Variants in CDC42EP5 observed in about 807,000 individuals in gnomAD.
The protein encoded by CDC42EP5 is CDC42 effector protein 5, also known as CDC42 effector protein (Rho GTPase binding) 5.
For missense variants in CDC42EP5, 269 were observed against 238.0 expected, an observed-to-expected ratio of 1.13 and a Z score of -0.86; for synonymous variants, 118 against 123.3, an observed-to-expected ratio of 0.96 and a Z score of 0.28.
At chr19:54,467,865 A>G (rs1222675278) in intron 2 of CDC42EP5, among the ~76,000 whole-genome samples, 2 of 152,178 alleles carry the variant, frequency 1.3e-5, no homozygotes, top group Non-Finnish European at 1.5e-5. Flanking sequence ...GAGTCTGCCC[A>G]TATCCTGGTC....
chr19:54,470,122 C>G (rs576960740), intron 2 of CDC42EP5, among the ~76,000 whole-genome samples: 2 of 152,244 alleles, frequency 1.3e-5, no homozygotes, highest in Admixed American at 6.5e-5. Flanking sequence ...AATGCCAGCT[C>G]TTTGGGAGGC....
In CDC42EP5 at chr19:54,471,624, G is replaced by C. The variant is rs1290109310; in HGVS notation, c.-80C>G. 1 of 152,072 alleles carries C rather than the reference G, an allele frequency of 6.6e-6. No homozygotes were observed. Among genetic ancestry groups the C allele is most frequent in the African/African-American group, 2.4e-5 (1 of 41,350 alleles). The allele number at this position is 152,072 out of a possible 1,614,324, so 9.4% of individuals were successfully genotyped here. On this transcript the variant is annotated 5_prime_UTR_variant, in exon 2 of 3. Coordinates refer to ENST00000301200, the MANE Select transcript of CDC42EP5 (RefSeq NM_145057.4). ...CGGACCCCTGGTTCCCTGGCTCCGA[G>C]TCCGCCTCCGTCTCCTAATCCCCGG...
Position 54,465,432 on chromosome 19 carries a change from C to A in CDC42EP5, c.116G>T (p.Gly39Val). ...CGAGGTGTCCCCGAAGGCGTCGCCGCCGCGCCCCACGTGCAGCGTGTGCCG... is the reference window on the plus strand; with the variant it reads ...CGAGGTGTCCCCGAAGGCGTCGCCGACGCGCCCCACGTGCAGCGTGTGCCG... ...DFRHTLHVGR[G>V]GDAFGDTSFL... The change falls in exon 3 of 3, where the codon GGC (glycine) becomes GTC (valine). Residue 39 changes from glycine to valine, a missense_variant. Physicochemically the swap from Gly to Val is moderately radical, Grantham distance 109. Transcript: ENST00000301200. 2.0e-6 allele frequency: 3 copies of A among 1,486,866 alleles called. No individual in the cohort carries two copies. Among genetic ancestry groups the A allele is most frequent in the Non-Finnish European group, 2.7e-6 (3 of 1,127,866 alleles). 92.1% of individuals were successfully genotyped at this position (1,486,866 alleles called of 1,614,324 possible).
Position 54,465,381 on chromosome 19 carries a change from G to T in CDC42EP5, c.167C>A (p.Pro56Gln). Residue 56 changes from proline (P) to glutamine (Q), a missense_variant, in exon 3 of 3, where the codon CCG becomes CAG. Pro to Gln is a moderately conservative substitution (Grantham distance 76). Transcript: ENST00000301200. Reference protein sequence around the residue: ...TSFLSRHGGGPPPEPRAPPAG... With the variant: ...TSFLSRHGGGQPPEPRAPPAG... ...GGGGGGCGCCCGGGGCTCGGGGGGCGGCCCGCCGCCGTGGCGGCTCAGGAA... is the reference window on the plus strand; with the variant it reads ...GGGGGGCGCCCGGGGCTCGGGGGGCTGCCCGCCGCCGTGGCGGCTCAGGAA... 8.5e-7 allele frequency: 1 copy of T among 1,178,388 alleles called. No individual in the cohort carries two copies. Among genetic ancestry groups the T allele is most frequent in the Non-Finnish European group, 1.0e-6 (1 of 952,622 alleles). 73.0% of individuals were successfully genotyped at this position (1,178,388 alleles called of 1,614,324 possible). A position where few individuals can be genotyped will look rare whatever the true frequency, so the allele number is the denominator to read the frequency against.
At position 54,465,180 on chromosome 19, in the gene CDC42EP5, G is replaced by C; in HGVS notation, c.368C>G (p.Pro123Arg). Residue 123 changes from proline (P) to arginine (R), a missense_variant, in exon 3 of 3, where the codon CCC becomes CGC. Pro to Arg is a moderately radical substitution (Grantham distance 103). Transcript: ENST00000301200. ...EAAAAKPDAEPRPGTQPPQAR... is the reference protein window; with the variant it reads ...EAAAAKPDAERRPGTQPPQAR... The stretch of plus-strand genomic sequence containing the variant: ...CTGGGGGGGCTGCGTCCCGGGGCGG[G>C]GTTCCGCGTCGGGCTTGGCGGCAGC... 2.1e-6 allele frequency: 3 copies of C among 1,425,166 alleles called. No individual in the cohort carries two copies. The allele number at this position is 1,425,166 out of a possible 1,614,324, so 88.3% of individuals were successfully genotyped here. A position where few individuals can be genotyped will look rare whatever the true frequency, so the allele number is the denominator to read the frequency against.
intron 1 of CDC42EP5, among the ~76,000 whole-genome samples, chr19:54,472,391 A>G (rs868482307): frequency 3.4e-4 from 1 of 2,970 alleles, no homozygotes; most frequent in Non-Finnish European, 5.6e-4. Context: ...AGGAGTCCAG[A>G]CCCCCAGCCC....
At chr19:54,471,784 G>A in intron 1 of CDC42EP5, 99 bp from the exon 2 acceptor site, 1 of 160,732 alleles carries the variant, frequency 6.2e-6, no homozygotes, top group East Asian at 1.7e-4. Flanking sequence ...GGTCCTAGGC[G>A]TCCTAGATCT....
chr19:54,469,570 T>C (rs2084807482), intron 2 of CDC42EP5, among the ~76,000 whole-genome samples: 1 of 152,222 alleles, frequency 6.6e-6, no homozygotes, highest in Non-Finnish European at 1.5e-5. Flanking sequence ...GAAAATGGCA[T>C]GATATTAATC....
At position 54,468,788 on chromosome 19, in the gene CDC42EP5, G is replaced by C. The variant is rs369625603; in HGVS notation, c.-1+2757C>G. ...GCTGGTCTCAAACTCCTGAGCTCAA[G>C]CAATCTGCCCGCCTTGGCCTCCCAA... On this transcript the variant is annotated intron_variant, in intron 2 of 2. Transcript: ENST00000301200. Among the ~76,000 whole-genome samples, 201 of 150,952 alleles carry C rather than the reference G, an allele frequency of 1.3e-3. 7 individuals carry two copies. In the South Asian group the frequency reaches 0.04, roughly 30 times the overall value.
At chr19:54,466,286 T>G (rs537032594) in intron 2 of CDC42EP5, among the ~76,000 whole-genome samples, 1 of 151,998 alleles carries the variant, frequency 6.6e-6, no homozygotes, top group East Asian at 1.9e-4. Context: ...CTATAAAAAA[T>G]GCAAAAATTA....
intron 2 of CDC42EP5, among the ~76,000 whole-genome samples, chr19:54,468,963 CCTTT>C (rs946572900): frequency 1.9e-4 from 26 of 139,960 alleles, no homozygotes; most frequent in African/African-American, 2.9e-4. Context: ...TTCCTTCCTT[CCTTT>C]CTTTTCTTTC....
chr19:54,468,927 C>CCTTCCTTCT (rs1216222962), intron 2 of CDC42EP5, among the ~76,000 whole-genome samples: 1 of 145,756 alleles, frequency 6.9e-6, no homozygotes, highest in African/African-American at 2.6e-5. Flanking sequence ...TTCCTTCTTT[C>CCTTCCTTCT]TTTCTTTTCT....
intron 2 of CDC42EP5, among the ~76,000 whole-genome samples, chr19:54,466,701 A>G (rs933776833): frequency 6.6e-6 from 1 of 152,222 alleles, no homozygotes; most frequent in African/African-American, 2.4e-5. Context: ...ATACAGTAAT[A>G]AAAAATGAGT....
At chr19:54,466,814 A>C (rs1024105296) in intron 2 of CDC42EP5, among the ~76,000 whole-genome samples, 1 of 152,190 alleles carries the variant, frequency 6.6e-6, no homozygotes, top group African/African-American at 2.4e-5. Context: ...GGATGTACAT[A>C]GGTTATATGC....
chr19:54,465,186 G>T lies in CDC42EP5; in HGVS notation c.362C>A (p.Ala121Glu), dbSNP rs1465526286. ...GGGCTGCGTCCCGGGGCGGGGTTCC[G>T]CGTCGGGCTTGGCGGCAGCCGCCTC... ...RPEAAAAKPD[A>E]EPRPGTQPPQ... The change falls in exon 3 of 3, where the codon GCG (alanine) becomes GAG (glutamate). Residue 121 changes from alanine to glutamate, a missense_variant. Transcript: ENST00000301200. 1.4e-6 allele frequency: 2 copies of T among 1,430,478 alleles called. No homozygotes were observed. 88.6% of individuals were successfully genotyped at this position (1,430,478 alleles called of 1,614,324 possible).
chr19:54,468,666 C>A (rs539038385), intron 2 of CDC42EP5, among the ~76,000 whole-genome samples: 20 of 152,082 alleles, frequency 1.3e-4, no homozygotes, highest in African/African-American at 4.8e-4. Flanking sequence ...ACCTCAGACT[C>A]CTGAGTAGCT....
chr19:54,465,170 C>A lies in CDC42EP5; in HGVS notation c.378G>T (p.Gly126=). The A allele has an allele frequency of 7.1e-7, 1 of 1,415,498 alleles. No individual in the cohort carries two copies. Among genetic ancestry groups the A allele is most frequent in the East Asian group, 3.0e-5 (1 of 33,672 alleles). The allele number at this position is 1,415,498 out of a possible 1,614,324, so 87.7% of individuals were successfully genotyped here. Residue 126 remains glycine (G), a synonymous_variant, in exon 3 of 3, where the codon GGG becomes GGT. Transcript: ENST00000301200. ...AAKPDAEPRP[G]TQPPQARCRP... ...GGCAGCGGGCCTGGGGGGGCTGCGT[C>A]CCGGGGCGGGGTTCCGCGTCGGGCT...
At chr19:54,470,145 A>G (rs1267107872) in intron 2 of CDC42EP5, among the ~76,000 whole-genome samples, 1 of 152,110 alleles carries the variant, frequency 6.6e-6, no homozygotes, top group Non-Finnish European at 1.5e-5. Flanking sequence ...AGACAGCAGG[A>G]TCACTTGAGC....
chr19:54,465,106 G>A lies in CDC42EP5; in HGVS notation c.442C>T (p.Leu148Phe). Residue 148 changes from leucine (L) to phenylalanine (F), a missense_variant, in exon 3 of 3, where the codon CTC becomes TTC. Coordinates refer to ENST00000301200, the MANE Select transcript of CDC42EP5 (RefSeq NM_145057.4). ...ADLELNDVIG[L>F] The stretch of plus-strand genomic sequence containing the variant: ...GGCGCGGGGAATGAGGGAACCTAGA[G>A]GCCGATGACGTCGTTCAGCTCGAGG... 9.5e-6 allele frequency: 13 copies of A among 1,369,262 alleles called. No individual in the cohort carries two copies. Among genetic ancestry groups the A allele is most frequent in the Non-Finnish European group, 1.1e-5 (12 of 1,063,520 alleles). The allele number at this position is 1,369,262 out of a possible 1,614,324, so 84.8% of individuals were successfully genotyped here. A position where few individuals can be genotyped will look rare whatever the true frequency, so the allele number is the denominator to read the frequency against.
Sources: allele counts gnomAD v4.1 joint callset (sites outside exome capture counted in the v4.1 genomes callset), GRCh38; gene constraint gnomAD v4.1.1; transcripts MANE v1.5; gene names NCBI Gene and HGNC (gene_info 2026-07-23, HGNC 2026-07-21).